Variants in ELMO2 observed in about 807,000 individuals in gnomAD.
The protein encoded by ELMO2 is engulfment and cell motility 2.
A neutral mutation model predicts 96.2 loss-of-function variants in ELMO2; 37 were observed. That is an observed-to-expected ratio of 0.38 (90% confidence interval 0.30 to 0.51). The LOEUF is 0.51. ELMO2 is among the 20% of genes least tolerant of loss of function. The pLI, the probability that ELMO2 is intolerant of heterozygous loss-of-function variation, is 0.88. For synonymous variants in ELMO2, 315 were observed against 329.4 expected, an observed-to-expected ratio of 0.96 and a Z score of 0.47; for missense variants, 561 against 912.6, an observed-to-expected ratio of 0.61 and a Z score of 4.96.
intron 1 of ELMO2, among the ~76,000 whole-genome samples, chr20:46,404,549 G>A (rs538928337): frequency 2.4e-4 from 37 of 152,080 alleles, no homozygotes; most frequent in Non-Finnish European, 3.2e-4. Context: ...CTTCACTATC[G>A]ATATCAGTAA....
In ELMO2 at chr20:46,386,125, C is replaced by A. The variant is rs1438514680; in HGVS notation, c.676G>T (p.Val226Phe). Residue 226 changes from valine to phenylalanine, a missense_variant and splice_region_variant, in exon 9 of 22, where the codon GTC (valine) becomes TTC (phenylalanine). Transcript: ENST00000290246. ...GGAGGTGTAGGGTTTTTTACTCACA[C>A]CTGGAGGTGTGAGATGAGCTGTCCC... ...TVGQLISHLQVSNQEIQTYAI... is the reference protein window; with the variant it reads ...TVGQLISHLQFSNQEIQTYAI... 5 of 1,613,830 alleles carry A rather than the reference C, an allele frequency of 3.1e-6. No individual in the cohort carries two copies. The highest frequency in any genetic ancestry group is 4.2e-6 in the Non-Finnish European group (5 of 1,179,820).
In ELMO2 at chr20:46,367,245, G is replaced by T; in HGVS notation, c.*115C>A. On this transcript the variant is annotated 3_prime_UTR_variant, in exon 22 of 22. Coordinates refer to ENST00000290246, the MANE Select transcript of ELMO2 (RefSeq NM_133171.5). ...GTTTGAGAAATGGCTGGCATTTACTGGCCACCAAAATCACTACAGATTCTG... is the reference window on the plus strand; with the variant it reads ...GTTTGAGAAATGGCTGGCATTTACTTGCCACCAAAATCACTACAGATTCTG... The T allele has an allele frequency of 9.5e-7, 1 of 1,049,220 alleles. No individual in the cohort carries two copies. The highest frequency in any genetic ancestry group is 1.3e-6 in the Non-Finnish European group (1 of 768,630). 65.0% of individuals were successfully genotyped at this position (1,049,220 alleles called of 1,614,324 possible).
chr20:46,375,667 C>T lies in ELMO2; in HGVS notation c.930+1G>A. On this transcript the variant is annotated splice_donor_variant, in intron 12 of 21. Transcript: ENST00000290246. LOFTEE classifies it high-confidence loss of function. This position sits in a 1 kb window ranked among gnomAD's most constrained non-coding sequence, Gnocchi z 4.6. ...AAACAGCTGCCCCACTTAGCACCTA[C>T]CTGGTCATTGGGGTCCATCTTGGTC... The T allele has an allele frequency of 6.2e-7, 1 of 1,614,074 alleles. No individual in the cohort carries two copies. The highest frequency in any genetic ancestry group is 1.7e-5 in the Admixed American group (1 of 60,024).
intron 19 of ELMO2, 56 bp from the exon 20 acceptor site, chr20:46,370,581 C>T: frequency 6.5e-7 from 1 of 1,531,794 alleles, no homozygotes; most frequent in Non-Finnish European, 9.0e-7. Context: ...TGGTCAGTGC[C>T]TACATCAGTG....
intron 11 of ELMO2, 167 bp downstream of exon 11, chr20:46,380,086 C>A: frequency 1.7e-6 from 1 of 590,502 alleles, no homozygotes; most frequent in Non-Finnish European, 2.9e-6. Flanking sequence ...ACTCTGCTCA[C>A]AGAGGATCGC....
chr20:46,370,229 GAAAC>G (rs1568745635), intron 20 of ELMO2: 1 of 675,744 alleles, frequency 1.5e-6, no homozygotes, highest in Non-Finnish European at 2.7e-6. Flanking sequence ...ATAAAGGAGA[GAAAC>G]AAGTGGATGG....
Position 46,386,235 on chromosome 20 carries a change from A to G in ELMO2, c.566T>C (p.Ile189Thr). The change falls in exon 9 of 22, where the codon ATC (isoleucine) becomes ACC (threonine). Residue 189 changes from isoleucine to threonine, a missense_variant. By Grantham distance (89) the Ile-to-Thr change is moderately conservative. Coordinates refer to ENST00000290246, the MANE Select transcript of ELMO2 (RefSeq NM_133171.5). ...YVSQPMVDVS[I>T]LQRSLAILES... ...CAGGATGGCCAGGGACCTCTGAAGG[A>G]TTGACACGTCCACCATGGGCTGGCT... 6.2e-7 allele frequency: 1 copy of G among 1,614,090 alleles called. No homozygotes were observed.
chr20:46,393,963 A>T (rs1040772719), intron 4 of ELMO2, 86 bp downstream of exon 4: 2 of 1,575,858 alleles, frequency 1.3e-6, no homozygotes, highest in Middle Eastern at 1.7e-4. Context: ...CTAACTGGAG[A>T]TCCTTCCCAG....
At chr20:46,396,215 T>C (rs2060242408) in intron 2 of ELMO2, among the ~76,000 whole-genome samples, 1 of 152,152 alleles carries the variant, frequency 6.6e-6, no homozygotes, top group African/African-American at 2.4e-5. Context: ...AATGCTCTGC[T>C]CCAGTTACAG....
At chr20:46,404,203 T>C (rs6090489) in intron 1 of ELMO2, among the ~76,000 whole-genome samples, 2,066 of 152,334 alleles carry the variant, frequency 0.014, 37 homozygotes, top group African/African-American at 0.047. Context: ...TAGTCCAGGC[T>C]GGGCCGAGGT....
intron 10 of ELMO2, among the ~76,000 whole-genome samples, chr20:46,380,726 A>C (rs974890255): frequency 3.3e-5 from 5 of 152,158 alleles, no homozygotes; most frequent in African/African-American, 1.2e-4. Flanking sequence ...ACTCCAAACA[A>C]GGAAGGGCTT....
At position 46,392,938 on chromosome 20, in the gene ELMO2, C is replaced by A. The variant is rs535303903; in HGVS notation, c.243+155G>T. The stretch of plus-strand genomic sequence containing the variant: ...TTACTCCCCACTAGGTGGTGAGAAC[C>A]AAGACAGACTTATTTTCCTGTACTA... On this transcript the variant is annotated intron_variant, in intron 6 of 21. Transcript: ENST00000290246. 5.3e-5 allele frequency among the ~76,000 whole-genome samples: 8 copies of A among 152,282 alleles called. No homozygotes were observed. The East Asian group carries it at 1.4e-3, about 26-fold the overall frequency.
chr20:46,377,829 C>T (rs1441354673), intron 11 of ELMO2, among the ~76,000 whole-genome samples: 2 of 152,172 alleles, frequency 1.3e-5, no homozygotes, highest in East Asian at 3.8e-4. Flanking sequence ...CTCTCTTGTT[C>T]TCTGCTCTGT....
chr20:46,384,875 G>C (rs2060014763), intron 9 of ELMO2, among the ~76,000 whole-genome samples: 1 of 152,064 alleles, frequency 6.6e-6, no homozygotes, highest in African/African-American at 2.4e-5. Context: ...GCTGAGATGG[G>C]GAGGATCGCT....
chr20:46,367,290 A>G lies in ELMO2; in HGVS notation c.*70T>C, dbSNP rs1324565093. 3.8e-6 allele frequency: 5 copies of G among 1,330,738 alleles called. No individual in the cohort carries two copies. Among genetic ancestry groups the G allele is most frequent in the Non-Finnish European group, 5.0e-6 (5 of 1,005,384 alleles). 82.4% of individuals were successfully genotyped at this position (1,330,738 alleles called of 1,614,324 possible). On this transcript the variant is annotated 3_prime_UTR_variant, in exon 22 of 22. Transcript: ENST00000290246. ...ATTCTGTACAAGCAAAAGACAAGGCACCAGAATGTAAGTGTTTCTCCTGGG... is the reference window on the plus strand; with the variant it reads ...ATTCTGTACAAGCAAAAGACAAGGCGCCAGAATGTAAGTGTTTCTCCTGGG...
intron 6 of ELMO2, among the ~76,000 whole-genome samples, 175 bp downstream of exon 6, chr20:46,392,918 C>T (rs1052898379): frequency 6.6e-6 from 1 of 152,170 alleles, no homozygotes; most frequent in Non-Finnish European, 1.5e-5. Context: ...TTTGTTTACT[C>T]CCCACTAGGT....
chr20:46,393,336 G>A (rs1234930989), intron 5 of ELMO2, among the ~76,000 whole-genome samples, 193 bp from the exon 6 acceptor site: 1 of 152,144 alleles, frequency 6.6e-6, no homozygotes, highest in African/African-American at 2.4e-5. Flanking sequence ...TGGGCACTCA[G>A]GAAGTAAAAG....
chr20:46,394,111 C>G (rs201029650), intron 3 of ELMO2, 22 bp from the exon 4 acceptor site: 2 of 1,595,532 alleles, frequency 1.3e-6, no homozygotes, highest in Non-Finnish European at 1.7e-6. Context: ...AGAGAGAAAG[C>G]CTTCAACAGC....
chr20:46,403,138 G>A (rs1259228171), intron 1 of ELMO2, among the ~76,000 whole-genome samples: 1 of 152,200 alleles, frequency 6.6e-6, no homozygotes, highest in Non-Finnish European at 1.5e-5. Context: ...CTGAAACCAC[G>A]TTTCCCCAAC....
Sources: gnomAD v4.1 joint callset for allele counts (sites outside exome capture counted in the v4.1 genomes callset) on GRCh38, gnomAD v4.1.1 for gene constraint, Gnocchi (gnomAD v3.1) non-coding constraint, MANE v1.5 for transcripts, NCBI Gene and HGNC (gene_info 2026-07-23, HGNC 2026-07-21) for gene names.